ETFA: variants seen among roughly 807,000 people sequenced by gnomAD.
ETFA encodes the protein electron transfer flavoprotein subunit alpha.
Under a neutral mutation model 46.2 loss-of-function variants are expected in ETFA, and 22 were observed. The ratio of observed to expected loss-of-function variants is 0.48; its 90% CI spans 0.34 to 0.68. ETFA has a LOEUF of 0.68. ETFA is among the 30% of genes least tolerant of loss of function. ETFA has a pLI of 0.01. For missense variants in ETFA, 345 were observed against 401.1 expected (o/e 0.86, Z 1.19); for synonymous variants, 131 against 139.9 (o/e 0.94, Z 0.45).
chr15:76,219,766 A>C (rs190975324), intron 11 of ETFA, among the ~76,000 whole-genome samples: 29 of 152,360 alleles, frequency 1.9e-4, no homozygotes, highest in African/African-American at 6.7e-4. Flanking sequence ...AACGCAAATC[A>C]AAGTCACAAT....
intron 10 of ETFA, among the ~76,000 whole-genome samples, chr15:76,229,549 C>G (rs2039043293): frequency 6.6e-6 from 1 of 152,334 alleles, no homozygotes; most frequent in South Asian, 2.1e-4. Context: ...CTAGCTATGT[C>G]TGAACTGGTC....
chr15:76,292,578 G>A (rs548051868), intron 3 of ETFA, 41 bp downstream of exon 3: 50 of 1,581,884 alleles, frequency 3.2e-5, no homozygotes, highest in Admixed American at 1.3e-4. Flanking sequence ...ATATTCAAGC[G>A]TAATTTAGAC....
chr15:76,278,291 A>G (rs565886275), intron 8 of ETFA, among the ~76,000 whole-genome samples: 1 of 152,226 alleles, frequency 6.6e-6, no homozygotes, highest in Non-Finnish European at 1.5e-5. Flanking sequence ...TCCAGCAGAC[A>G]TTCACCTCCA....
chr15:76,257,712 T>A (rs1405957225), intron 9 of ETFA, among the ~76,000 whole-genome samples: 1 of 151,914 alleles, frequency 6.6e-6, no homozygotes, highest in Non-Finnish European at 1.5e-5. Context: ...TAAAGACACA[T>A]GCACACGTAT....
At chr15:76,260,761 G>A (rs2039402300) in intron 9 of ETFA, 2 of 1,604,088 alleles carry the variant, frequency 1.2e-6, no homozygotes. Context: ...CCCTTGGTCT[G>A]AAAGGGCACC....
At chr15:76,300,547 C>T (rs1213433443) in intron 1 of ETFA, among the ~76,000 whole-genome samples, 1 of 152,130 alleles carries the variant, frequency 6.6e-6, no homozygotes, top group African/African-American at 2.4e-5. Context: ...CCTCTATTAC[C>T]CCACAGAGTC....
At chr15:76,300,164 A>T (rs2039865493) in intron 1 of ETFA, among the ~76,000 whole-genome samples, 1 of 152,202 alleles carries the variant, frequency 6.6e-6, no homozygotes, top group South Asian at 2.1e-4. Flanking sequence ...GAGTGGCTCA[A>T]ATATTTTATA....
chr15:76,224,964 C>T lies in ETFA; in HGVS notation c.963+885G>A, dbSNP rs191076672. ...ATGGGAAGGTCAAATATGGAGGTGA[C>T]GGCAAGAGAGAAGGAACACTCAAAA... On this transcript the variant is annotated intron_variant, in intron 11 of 11. Coordinates refer to ENST00000557943, the MANE Select transcript of ETFA (RefSeq NM_000126.4). Among the ~76,000 whole-genome samples, 88 of 152,056 alleles carry T rather than the reference C, an allele frequency of 5.8e-4. 1 individual carries two copies. The highest frequency in any genetic ancestry group is 1.9e-3 in the African/African-American group (80 of 41,478).
At chr15:76,307,421 C>A (rs1485452280) in intron 1 of ETFA, among the ~76,000 whole-genome samples, 1 of 151,644 alleles carries the variant, frequency 6.6e-6, no homozygotes, top group Non-Finnish European at 1.5e-5. Flanking sequence ...AAATGCAAGT[C>A]ATTGAACTTA....
intron 1 of ETFA, among the ~76,000 whole-genome samples, chr15:76,295,973 G>A (rs1461231849): frequency 2.6e-4 from 7 of 27,034 alleles, no homozygotes; most frequent in Non-Finnish European, 5.5e-4. Context: ...ATGGAGTCTC[G>A]CTCTGTCGCC....
intron 9 of ETFA, among the ~76,000 whole-genome samples, chr15:76,252,607 A>G (rs1206133768): frequency 6.6e-6 from 1 of 152,202 alleles, no homozygotes; most frequent in Non-Finnish European, 1.5e-5. Flanking sequence ...CCACAACCAT[A>G]TAACTTAAGA....
intron 11 of ETFA, among the ~76,000 whole-genome samples, chr15:76,222,165 A>G (rs1308999456): frequency 6.6e-6 from 1 of 150,516 alleles, no homozygotes; most frequent in Non-Finnish European, 1.5e-5. Context: ...TTAATGTTAT[A>G]TAAAGATATT....
At chr15:76,258,938 G>A in intron 9 of ETFA, 1 of 1,281,078 alleles carries the variant, frequency 7.8e-7, no homozygotes, top group Non-Finnish European at 1.1e-6. Flanking sequence ...AGCCAGCACA[G>A]TGGCCATCAG....
intron 9 of ETFA, among the ~76,000 whole-genome samples, chr15:76,272,329 T>TCCG (rs2039544442): frequency 6.6e-6 from 1 of 151,800 alleles, no homozygotes; most frequent in African/African-American, 2.4e-5. Context: ...CAAACAATTC[T>TCCG]CCTGTTTCAA....
intron 9 of ETFA, among the ~76,000 whole-genome samples, chr15:76,249,117 T>C (rs2039270645): frequency 1.4e-5 from 2 of 145,464 alleles, no homozygotes; most frequent in South Asian, 4.3e-4. Context: ...TAACATAAAA[T>C]TTACCATAGT....
At chr15:76,268,189 C>CAAAAAAAAA (rs57096514) in intron 9 of ETFA, among the ~76,000 whole-genome samples, 1 of 107,098 alleles carries the variant, frequency 9.3e-6, no homozygotes, top group South Asian at 3.4e-4. Context: ...CCAGCTACAG[C>CAAAAAAAAA]AAAAAAAAAA....
At chr15:76,290,184 A>G (rs1366225828) in intron 4 of ETFA, among the ~76,000 whole-genome samples, 5 of 152,194 alleles carry the variant, frequency 3.3e-5, no homozygotes, top group African/African-American at 4.8e-5. Flanking sequence ...ATTCCAGCCC[A>G]TGTTTACACA....
intron 9 of ETFA, among the ~76,000 whole-genome samples, chr15:76,266,289 C>T (rs2039469547): frequency 1.3e-5 from 2 of 152,092 alleles, no homozygotes; most frequent in African/African-American, 4.8e-5. Context: ...TTTACTGTTC[C>T]CGCCATAAAT....
At chr15:76,250,321 A>G (rs939843905) in intron 9 of ETFA, among the ~76,000 whole-genome samples, 1 of 152,074 alleles carries the variant, frequency 6.6e-6, no homozygotes. Flanking sequence ...TTTTTATACC[A>G]TGGCACACAG....
Sources: gnomAD v4.1 joint callset for allele counts (sites outside exome capture counted in the v4.1 genomes callset) on GRCh38, gnomAD v4.1.1 for gene constraint, MANE v1.5 for transcripts, NCBI Gene and HGNC (gene_info 2026-07-23, HGNC 2026-07-21) for gene names.